The following NDUFS2 variants were observed in gnomAD, a reference collection of about 807,000 sequenced individuals.
The protein encoded by NDUFS2 is NADH:ubiquinone oxidoreductase core subunit S2.
In NDUFS2, 38 loss-of-function variants were observed where a neutral mutation model predicts 69.6. The observed-to-expected ratio is 0.55, with a 90% CI of 0.42 to 0.72. The LOEUF is 0.72. Ranked by LOEUF, NDUFS2 falls within the 30% of genes least tolerant of loss-of-function variation. The pLI is 0.00. For synonymous variants in NDUFS2, 194 were observed against 211.2 expected (o/e 0.92, Z 0.70); for missense variants, 468 against 595.0 (o/e 0.79, Z 2.22).
chr1:161,212,896 G>A (rs1049240827), intron 10 of NDUFS2, among the ~76,000 whole-genome samples: 6 of 151,794 alleles, frequency 4.0e-5, no homozygotes, highest in African/African-American at 1.5e-4. Flanking sequence ...TAAGAGATTC[G>A]GGTTTTTTTT....
intron 2 of NDUFS2, 36 bp downstream of exon 2, chr1:161,203,579 A>T (rs773317253): frequency 6.7e-7 from 1 of 1,502,848 alleles, no homozygotes; most frequent in Non-Finnish European, 9.2e-7. Context: ...ACCCACACCC[A>T]TCCCTGCCCC....
intron 3 of NDUFS2, 77 bp downstream of exon 3, chr1:161,206,674 T>A: frequency 1.3e-6 from 2 of 1,483,936 alleles, no homozygotes; most frequent in Non-Finnish European, 9.2e-7. Context: ...TTGCTGCCCT[T>A]AAAACGTGAG....
chr1:161,206,851 C>A (rs1027428578), intron 3 of NDUFS2, among the ~76,000 whole-genome samples: 11 of 152,154 alleles, frequency 7.2e-5, no homozygotes, highest in Admixed American at 4.6e-4. Flanking sequence ...TTGGCAGGCC[C>A]CTTTGCCATT....
chr1:161,204,787 CG>C (rs1665364310), intron 2 of NDUFS2, among the ~76,000 whole-genome samples: 1 of 152,070 alleles, frequency 6.6e-6, no homozygotes, highest in African/African-American at 2.4e-5. Flanking sequence ...GATTAAAGCC[CG>C]GATGCGGTGG....
At chr1:161,209,653 A>G in intron 5 of NDUFS2, 58 bp downstream of exon 5, 1 of 1,410,092 alleles carries the variant, frequency 7.1e-7, no homozygotes, top group Non-Finnish European at 9.8e-7. Context: ...TAGAGAAGGT[A>G]TAAAGGAGAC....
chr1:161,198,632 C>T (rs527944876), upstream of NDUFS2: 9 of 1,504,124 alleles, frequency 6.0e-6, 1 homozygote, highest in Admixed American at 1.3e-4. This position sits in a 1 kb window ranked among gnomAD's most constrained non-coding sequence, Gnocchi z 4.7. Context: ...GGACATGGCA[C>T]TGGTACTGCA....
intron 10 of NDUFS2, 47 bp from the exon 11 acceptor site, chr1:161,213,333 C>CA (rs1665874365): frequency 3.8e-6 from 5 of 1,329,536 alleles, no homozygotes; most frequent in Admixed American, 3.6e-5. Flanking sequence ...GCCTAGGAGA[C>CA]AGAGTTTGGA....
upstream of NDUFS2, chr1:161,197,912 T>C (rs1664921050): frequency 6.7e-7 from 1 of 1,498,546 alleles, no homozygotes; most frequent in Non-Finnish European, 8.9e-7. Flanking sequence ...GAAGTGTAAG[T>C]GGGTGGAGAG....
At chr1:161,212,232 T>G in intron 9 of NDUFS2, 119 bp from the exon 10 acceptor site, 4 of 1,290,886 alleles carry the variant, frequency 3.1e-6, no homozygotes, top group Non-Finnish European at 4.4e-6. Flanking sequence ...ATGCTGTACT[T>G]GGAGAAAAGA....
rs1215226277 is a variant in NDUFS2, at chr1:161,213,861, T to C, written c.1297-3T>C. ...AACATTGTTGCCATCTCAATCTCCC[T>C]AGGCTGGTTTGGACAAGATGTCTAA... is the stretch of plus-strand genomic sequence containing the variant. On this transcript the variant is annotated splice_polypyrimidine_tract_variant and splice_region_variant and intron_variant, in intron 12 of 13. Transcript: ENST00000676972. 1 of 1,614,188 alleles carries C rather than the reference T, an allele frequency of 6.2e-7. No individual in the cohort carries two copies. The highest frequency in any genetic ancestry group is 8.5e-7 in the Non-Finnish European group (1 of 1,180,016).
At chr1:161,197,952 T>G (rs1188497191), upstream of NDUFS2, 1 of 1,520,714 alleles carries the variant, frequency 6.6e-7, no homozygotes, top group Non-Finnish European at 8.8e-7. Flanking sequence ...AGGACAGACA[T>G]GGCGGGAGGA....
chr1:161,204,844 A>T (rs1017369735), intron 2 of NDUFS2, among the ~76,000 whole-genome samples: 1 of 152,180 alleles, frequency 6.6e-6, no homozygotes, highest in African/African-American at 2.4e-5. Context: ...TTAGGTCAGG[A>T]GTTCAAGACC....
intron 2 of NDUFS2, among the ~76,000 whole-genome samples, chr1:161,205,275 A>T (rs563856542): frequency 1.3e-5 from 2 of 152,126 alleles, no homozygotes; most frequent in African/African-American, 2.4e-5. Flanking sequence ...CATTGTTATT[A>T]ATGATATGTA....
At chr1:161,211,955 C>T (rs1366825752) in intron 9 of NDUFS2, among the ~76,000 whole-genome samples, 1 of 152,006 alleles carries the variant, frequency 6.6e-6, no homozygotes, top group Non-Finnish European at 1.5e-5. Flanking sequence ...TGGCTCATGC[C>T]TATAATCCTA....
chr1:161,209,517 C>T lies in NDUFS2; in HGVS notation c.549C>T (p.His183=). 1.9e-6 allele frequency: 3 copies of T among 1,613,902 alleles called. No individual in the cohort carries two copies. Among genetic ancestry groups the T allele is most frequent in the Non-Finnish European group, 2.5e-6 (3 of 1,180,026 alleles). Reference sequence around the variant, plus strand: ...GAGAAATCACACGTTTGTTGAACCACATCATGGCTGTGACCACACATGCCC... The same window carrying T: ...GAGAAATCACACGTTTGTTGAACCATATCATGGCTGTGACCACACATGCCC... ...LFGEITRLLN[H]IMAVTTHALD... Residue 183 remains histidine (H), a synonymous_variant, in exon 5 of 14, where the codon CAC becomes CAT. Coordinates refer to ENST00000676972, the MANE Select transcript of NDUFS2 (RefSeq NM_001377299.1).
chr1:161,212,236 G>A, intron 9 of NDUFS2, 115 bp from the exon 10 acceptor site: 1 of 1,328,898 alleles, frequency 7.5e-7, no homozygotes, highest in Middle Eastern at 2.0e-4. Context: ...TGTACTTGGA[G>A]AAAAGAGTGG....
chr1:161,198,423 C>T (rs1403327956), upstream of NDUFS2: 12 of 1,597,036 alleles, frequency 7.5e-6, no homozygotes, highest in African/African-American at 5.4e-5. The surrounding 1 kb of genome is among the most constrained non-coding windows in gnomAD (Gnocchi z 4.7). Flanking sequence ...AGGACGCTGC[C>T]GTTGAGCTTC....
intron 8 of NDUFS2, 23 bp downstream of exon 8, chr1:161,210,412 C>T (rs369587686): frequency 6.2e-6 from 10 of 1,608,868 alleles, no homozygotes; most frequent in Non-Finnish European, 7.7e-6. Context: ...CAACTTCTCT[C>T]CGTAGGAGTG....
At chr1:161,205,507 C>T (rs1215273629) in intron 2 of NDUFS2, among the ~76,000 whole-genome samples, 1 of 152,070 alleles carries the variant, frequency 6.6e-6, no homozygotes, top group African/African-American at 2.4e-5. Flanking sequence ...GTGTTCTTTC[C>T]TTCTTTTAAA....
Sources: gnomAD v4.1 joint callset for allele counts (sites outside exome capture counted in the v4.1 genomes callset) on GRCh38, gnomAD v4.1.1 for gene constraint, Gnocchi (gnomAD v3.1) non-coding constraint, MANE v1.5 for transcripts, NCBI Gene and HGNC (gene_info 2026-07-23, HGNC 2026-07-21) for gene names.